Variants in SYNPR observed in about 807,000 individuals in gnomAD.
The protein encoded by SYNPR is synaptoporin.
In SYNPR, 23 loss-of-function variants were observed where a neutral mutation model predicts 32.9. That is an observed-to-expected ratio of 0.70 (90% confidence interval 0.50 to 0.99). SYNPR has a LOEUF of 0.99. SYNPR is among the 50% of genes least tolerant of loss of function. The probability of loss-of-function intolerance (pLI) is 0.00; values close to 1 mark genes in which losing one functional copy is unlikely to be tolerated. For missense variants in SYNPR, 318 were observed against 349.3 expected (o/e 0.91, Z 0.71); for synonymous variants, 146 against 135.9 (o/e 1.07, Z -0.52).
At chr3:63,353,040 A>G (rs186917519) in intron 2 of SYNPR, among the ~76,000 whole-genome samples, 137 of 152,308 alleles carry the variant, frequency 9.0e-4, no homozygotes, top group African/African-American at 3.1e-3. Flanking sequence ...GACAAATAAT[A>G]ATTGTATATA....
At position 63,426,081 on chromosome 3, in the gene SYNPR, C is replaced by T. The variant is rs183139276; in HGVS notation, c.85-54751C>T. ...ATTACGGGCATGAGCCACAATGCCC[C>T]GCCAGAAATACACTTTTAAAAATGT... On this transcript the variant is annotated intron_variant, in intron 2 of 5. Coordinates refer to ENST00000478300, the MANE Select transcript of SYNPR (RefSeq NM_001130003.2). 2.6e-4 allele frequency among the ~76,000 whole-genome samples: 39 copies of T among 152,130 alleles called. No homozygotes were observed. In the East Asian group the frequency reaches 4.1e-3, roughly 16 times the overall value.
At chr3:63,440,186 A>G (rs1233898165) in intron 2 of SYNPR, among the ~76,000 whole-genome samples, 1 of 152,208 alleles carries the variant, frequency 6.6e-6, no homozygotes, top group African/African-American at 2.4e-5. Flanking sequence ...ACTGAGTGGC[A>G]AAGGAAGAGA....
chr3:63,612,592 C>T (rs1700215448), intron 5 of SYNPR, among the ~76,000 whole-genome samples: 2 of 152,062 alleles, frequency 1.3e-5, no homozygotes, highest in South Asian at 4.1e-4. Context: ...TCAGTTCCAA[C>T]AAAATAGCAA....
chr3:63,277,801 T>G (rs575443490), upstream of SYNPR, among the ~76,000 whole-genome samples: 3 of 152,122 alleles, frequency 2.0e-5, no homozygotes, highest in African/African-American at 7.2e-5. Flanking sequence ...TGCAAGTTAT[T>G]TTTCCCCTTT....
intron 3 of SYNPR, among the ~76,000 whole-genome samples, chr3:63,520,573 TGAGGCAGAAGAATCGCTTGAACCCAG>T: frequency 6.6e-6 from 1 of 151,744 alleles, no homozygotes; most frequent in African/African-American, 2.4e-5. Flanking sequence ...CTGAGGAGGT[TGAGGCAGAAGAATCGCTTGAACCCAG>T]GAGGCGGAGG....
chr3:63,577,749 C>T (rs189943766), intron 4 of SYNPR, among the ~76,000 whole-genome samples: 1 of 152,172 alleles, frequency 6.6e-6, no homozygotes. Flanking sequence ...TGCATGGATA[C>T]ATTCTGTAAA....
chr3:63,442,839 G>A (rs1700204908), intron 2 of SYNPR, among the ~76,000 whole-genome samples: 2 of 152,224 alleles, frequency 1.3e-5, no homozygotes, highest in East Asian at 3.9e-4. Context: ...TAACAGCTAT[G>A]CATTTACATT....
intron 3 of SYNPR, among the ~76,000 whole-genome samples, chr3:63,534,138 G>T (rs1208440774): frequency 6.6e-6 from 1 of 152,096 alleles, no homozygotes; most frequent in Non-Finnish European, 1.5e-5. Context: ...TGTTGTTCAT[G>T]TATGTCAGGG....
upstream of SYNPR, among the ~76,000 whole-genome samples, chr3:63,275,623 T>A (rs570832850): frequency 6.6e-6 from 1 of 152,142 alleles, no homozygotes; most frequent in African/African-American, 2.4e-5. Flanking sequence ...TTTAAATAAG[T>A]CTCTTTCCCT....
At chr3:63,490,709 T>C (rs1291999705) in intron 3 of SYNPR, among the ~76,000 whole-genome samples, 1 of 152,144 alleles carries the variant, frequency 6.6e-6, no homozygotes, top group Admixed American at 6.5e-5. Context: ...AGTTTCTTGT[T>C]CCTGATTTTG....
chr3:63,456,774 A>ATCC lies in SYNPR; in HGVS notation c.85-24056_85-24054dup, dbSNP rs148455182. ...TCCCTGAGGTCTTGCCGCTTGTCCC[A>ATCC]TCCTGGTGAACCCACTCTTCATCCT... On this transcript the variant is annotated intron_variant, in intron 2 of 5. Coordinates refer to ENST00000478300, the MANE Select transcript of SYNPR (RefSeq NM_001130003.2). Among the ~76,000 whole-genome samples, 1,271 of 152,026 alleles carry ATCC rather than the reference A, an allele frequency of 8.4e-3. 54 individuals are homozygous for ATCC. The East Asian group carries it at 0.13, about 16-fold the overall frequency.
chr3:63,598,790 A>C (rs1401011703), intron 4 of SYNPR, among the ~76,000 whole-genome samples: 1 of 152,198 alleles, frequency 6.6e-6, no homozygotes, highest in Admixed American at 6.5e-5. Flanking sequence ...AACACATGAA[A>C]AGTGAGCAGA....
intron 3 of SYNPR, among the ~76,000 whole-genome samples, chr3:63,530,006 G>C (rs1702082533): frequency 6.6e-6 from 1 of 152,122 alleles, no homozygotes; most frequent in Non-Finnish European, 1.5e-5. Context: ...CTAGCGGGAA[G>C]GGACACTTCA....
chr3:63,373,412 A>G (rs1298477443), intron 2 of SYNPR, among the ~76,000 whole-genome samples: 1 of 152,216 alleles, frequency 6.6e-6, no homozygotes, highest in Non-Finnish European at 1.5e-5. Flanking sequence ...TGAAAAACAC[A>G]CCACAAAAAT....
intron 2 of SYNPR, among the ~76,000 whole-genome samples, chr3:63,346,484 T>C (rs77657835): frequency 5.3e-5 from 8 of 152,150 alleles, no homozygotes; most frequent in Non-Finnish European, 1.0e-4. Flanking sequence ...TTCATTTTTT[T>C]GTTTTGAGAT....
chr3:63,607,855 C>A, intron 4 of SYNPR, among the ~76,000 whole-genome samples: 1 of 132,584 alleles, frequency 7.5e-6, no homozygotes, highest in Non-Finnish European at 1.7e-5. Context: ...ATCATGGGAT[C>A]GTGATGAAAA....
At chr3:63,598,306 T>C (rs977576819) in intron 4 of SYNPR, among the ~76,000 whole-genome samples, 2 of 152,196 alleles carry the variant, frequency 1.3e-5, no homozygotes, top group Admixed American at 6.5e-5. Flanking sequence ...CCCTTTTCTA[T>C]ACCCCAGGGT....
At chr3:63,329,473 T>C (rs73123167) in intron 2 of SYNPR, among the ~76,000 whole-genome samples, 3,049 of 152,180 alleles carry the variant, frequency 0.02, 51 homozygotes, top group Non-Finnish European at 0.032. Context: ...AACACAGCAA[T>C]TAAAATTGGA....
At chr3:63,278,771 G>A (rs1391346439) in intron 2 of SYNPR, 29 bp downstream of exon 2, 2 of 1,550,276 alleles carry the variant, frequency 1.3e-6, no homozygotes, top group Non-Finnish European at 1.7e-6. Context: ...GCAGGGAGGG[G>A]CGCCAGGCAG....
Sources: allele counts gnomAD v4.1 joint callset (sites outside exome capture counted in the v4.1 genomes callset), GRCh38; gene constraint gnomAD v4.1.1; transcripts MANE v1.5; gene names NCBI Gene and HGNC (gene_info 2026-07-23, HGNC 2026-07-21).